TBP: variants seen among roughly 807,000 people sequenced by gnomAD.
TBP encodes TATA-box binding protein, also known as TATA-box-binding protein.
TBP carries 12 observed loss-of-function variants against 46.2 expected under a neutral mutation model. That is an observed-to-expected ratio of 0.26 (90% CI 0.17 to 0.42). The LOEUF is 0.42. Ranked by LOEUF, TBP falls within the 10% of genes least tolerant of loss-of-function variation. The probability of loss-of-function intolerance (pLI) is 1.00; values close to 1 mark genes in which losing one functional copy is unlikely to be tolerated. For missense variants in TBP, 229 were observed against 403.1 expected, an observed-to-expected ratio of 0.57 and a Z score of 3.70; for synonymous variants, 157 against 148.3, an observed-to-expected ratio of 1.06 and a Z score of -0.42.
intron 5 of TBP, chr6:170,567,255 C>T (rs923534835): frequency 2.2e-4 from 36 of 161,958 alleles, no homozygotes; most frequent in African/African-American, 2.9e-4. Flanking sequence ...CTCACCAAGG[C>T]GGGCAAATCA....
At chr6:170,557,525 A>G (rs1266922997) in intron 2 of TBP, among the ~76,000 whole-genome samples, 1 of 152,132 alleles carries the variant, frequency 6.6e-6, no homozygotes, top group Non-Finnish European at 1.5e-5. Flanking sequence ...ACCTGAGGTC[A>G]GGAGTTCGAG....
In TBP at chr6:170,572,381, G is replaced by C; in HGVS notation, c.*116G>C. ...GTGAGAAGATGGATGTTGAGTTGCA[G>C]GGTGTGGCACCAGGTGATGCCCTTC... On this transcript the variant is annotated 3_prime_UTR_variant, in exon 8 of 8. Coordinates refer to ENST00000392092, the MANE Select transcript of TBP (RefSeq NM_003194.5). The C allele has an allele frequency of 2.3e-6, 2 of 871,354 alleles. No individual in the cohort carries two copies. Among genetic ancestry groups the C allele is most frequent in the East Asian group, 2.5e-5 (1 of 39,680 alleles). The allele number at this position is 871,354 out of a possible 1,614,324, so 54.0% of individuals were successfully genotyped here.
intron 1 of TBP, among the ~76,000 whole-genome samples, chr6:170,555,636 G>A (rs1011336622): frequency 6.6e-6 from 1 of 152,064 alleles, no homozygotes; most frequent in Non-Finnish European, 1.5e-5. Flanking sequence ...AAAACACTGC[G>A]CTCTCTTCAC....
chr6:170,565,500 A>G (rs553682200), intron 4 of TBP, among the ~76,000 whole-genome samples: 1 of 152,340 alleles, frequency 6.6e-6, no homozygotes, highest in Non-Finnish European at 1.5e-5. Flanking sequence ...AAAGACAGCT[A>G]AGGGTCTGAA....
rs749884185 is a variant in TBP at position 170,562,033 on chromosome 6, T to C, written c.297T>C (p.Ala99=). The C allele has an allele frequency of 8.1e-6, 13 of 1,612,232 alleles. No individual in the cohort carries two copies. The African/African-American group carries it at 1.3e-4, about 17-fold the overall frequency. Residue 99 remains alanine, a synonymous_variant, in exon 3 of 8, where the codon GCT becomes GCC. Transcript: ENST00000392092. ...AGCAGCAGCAACAGGCAGTGGCAGCTGCAGCCGTTCAGCAGTCAACGTCCC... is the reference window on the plus strand; with the variant it reads ...AGCAGCAGCAACAGGCAGTGGCAGCCGCAGCCGTTCAGCAGTCAACGTCCC... ...QQQQQQQAVA[A]AAVQQSTSQQ...
chr6:170,555,774 G>A (rs1779012089), intron 1 of TBP, among the ~76,000 whole-genome samples: 1 of 152,092 alleles, frequency 6.6e-6, no homozygotes, highest in Non-Finnish European at 1.5e-5. Context: ...GCTGGTTTCT[G>A]CATTCAAGGA....
chr6:170,569,754 G>T lies in TBP; in HGVS notation c.820G>T (p.Val274Leu). The T allele has an allele frequency of 6.2e-7, 1 of 1,613,602 alleles. No individual in the cohort carries two copies. Among genetic ancestry groups the T allele is most frequent in the Non-Finnish European group, 8.5e-7 (1 of 1,179,894 alleles). ...VKFPIRLEGL[V>L]LTHQQFSSYE... ...GTTTCCTATAAGGTTAGAAGGCCTT[G>T]TGCTCACCCACCAACAATTTAGTAG... The change falls in exon 6 of 8, where the codon GTG (valine) becomes TTG (leucine). Residue 274 changes from valine (V) to leucine (L), a missense_variant. Val to Leu is a conservative substitution (Grantham distance 32, BLOSUM62 1). This residue lies in a region of TBP where 67 missense variants were observed against 188.2 expected (regional missense o/e 0.36). Coordinates refer to ENST00000392092, the MANE Select transcript of TBP (RefSeq NM_003194.5).
chr6:170,560,197 T>C (rs1394484110), intron 2 of TBP, among the ~76,000 whole-genome samples: 1 of 152,146 alleles, frequency 6.6e-6, no homozygotes, highest in Non-Finnish European at 1.5e-5. Flanking sequence ...AACTTTCAAT[T>C]CTTACTATTT....
chr6:170,570,752 G>A (rs1035145867), intron 6 of TBP, among the ~76,000 whole-genome samples: 3 of 151,978 alleles, frequency 2.0e-5, no homozygotes, highest in Non-Finnish European at 4.4e-5. Context: ...ACAATCATTC[G>A]AACCCAGGAG....
chr6:170,565,536 A>T (rs1779228126), intron 4 of TBP, among the ~76,000 whole-genome samples: 1 of 152,234 alleles, frequency 6.6e-6, no homozygotes, highest in Admixed American at 6.5e-5. Context: ...ACTCATAATG[A>T]GTCTGTATGA....
intron 2 of TBP, among the ~76,000 whole-genome samples, chr6:170,559,519 A>G (rs868758986): frequency 6.6e-6 from 1 of 152,244 alleles, no homozygotes; most frequent in African/African-American, 2.4e-5. Flanking sequence ...CCAAAGTGTA[A>G]TACAGAGCAA....
intron 3 of TBP, 124 bp downstream of exon 3, chr6:170,562,357 A>G: frequency 8.7e-7 from 1 of 1,151,554 alleles, no homozygotes; most frequent in South Asian, 1.6e-5. Flanking sequence ...TTGTGTATCA[A>G]AATTTGCTTT....
chr6:170,563,764 T>C (rs1181533580), intron 3 of TBP, among the ~76,000 whole-genome samples: 2 of 152,258 alleles, frequency 1.3e-5, no homozygotes, highest in Non-Finnish European at 2.9e-5. Context: ...AGACAGTTGT[T>C]GAGCAGTTAA....
rs777472031 is a variant in TBP at position 170,572,362 on chromosome 6, A to C, written c.*97A>C. The stretch of plus-strand genomic sequence containing the variant: ...ACCTTTAAATGGTGGTGTTGTGAGA[A>C]GATGGATGTTGAGTTGCAGGGTGTG... On this transcript the variant is annotated 3_prime_UTR_variant, in exon 8 of 8. Transcript: ENST00000392092. The C allele has an allele frequency of 1.5e-5, 15 of 1,033,238 alleles. No individual in the cohort carries two copies. Among genetic ancestry groups the C allele is most frequent in the Non-Finnish European group, 2.2e-5 (15 of 684,348 alleles). The allele number at this position is 1,033,238 out of a possible 1,614,324, so 64.0% of individuals were successfully genotyped here.
chr6:170,563,752 C>T (rs562148364), intron 3 of TBP, among the ~76,000 whole-genome samples: 16 of 152,266 alleles, frequency 1.1e-4, no homozygotes, highest in Admixed American at 4.6e-4. Context: ...CAGGTCCATG[C>T]GAGACAGTTG....
intron 4 of TBP, 58 bp downstream of exon 4, chr6:170,564,690 C>T: frequency 8.3e-7 from 1 of 1,202,656 alleles, no homozygotes; most frequent in Non-Finnish European, 1.2e-6. Flanking sequence ...TCTGCCGTGT[C>T]TCTATATTTT....
intron 4 of TBP, among the ~76,000 whole-genome samples, chr6:170,566,300 C>A (rs1447925647): frequency 6.6e-6 from 1 of 152,030 alleles, no homozygotes; most frequent in East Asian, 1.9e-4. Context: ...ACCACCTTAG[C>A]AAGAAAATTT....
intron 6 of TBP, among the ~76,000 whole-genome samples, chr6:170,570,123 T>C (rs1462373865): frequency 6.6e-6 from 1 of 152,132 alleles, no homozygotes; most frequent in Non-Finnish European, 1.5e-5. Context: ...TCTTCTCTTT[T>C]AGTCAACATT....
intron 2 of TBP, among the ~76,000 whole-genome samples, chr6:170,560,042 A>G (rs985682404): frequency 1.3e-5 from 2 of 152,228 alleles, no homozygotes; most frequent in Admixed American, 6.5e-5. Context: ...CTCAGAAAAA[A>G]AGTTTAATTT....
Sources: gnomAD v4.1 joint callset for allele counts (sites outside exome capture counted in the v4.1 genomes callset) on GRCh38, gnomAD v4.1.1 for gene constraint, gnomAD v4.1.1 regional missense constraint, MANE v1.5 for transcripts, NCBI Gene and HGNC (gene_info 2026-07-23, HGNC 2026-07-21) for gene names.